Variants in HDAC9 observed in about 807,000 individuals in gnomAD.
The protein encoded by HDAC9 is MEF-2 interacting transcription repressor (MITR) protein.
Under a neutral mutation model 139.4 loss-of-function variants are expected in HDAC9, and 41 were observed. The observed-to-expected ratio is 0.29, with a 90% CI of 0.23 to 0.38. The LOEUF (loss-of-function observed/expected upper bound fraction) is 0.38, where lower values mean the gene tolerates loss of function less well. HDAC9 is among the 10% of genes least tolerant of loss of function. The pLI is 1.00. For missense variants in HDAC9, 1,147 were observed against 1,297.0 expected, an observed-to-expected ratio of 0.88 and a Z score of 1.78; for synonymous variants, 517 against 476.2, an observed-to-expected ratio of 1.09 and a Z score of -1.12.
At chr7:18,657,416 T>A (rs1271615299) in intron 11 of HDAC9, among the ~76,000 whole-genome samples, 1 of 152,138 alleles carries the variant, frequency 6.6e-6, no homozygotes, top group African/African-American at 2.4e-5. Flanking sequence ...CATCAATGAT[T>A]AGCAAAGAAA....
At chr7:18,139,669 A>G (rs1416526421) in intron 1 of HDAC9, among the ~76,000 whole-genome samples, 3 of 152,180 alleles carry the variant, frequency 2.0e-5, no homozygotes, top group African/African-American at 4.8e-5. Context: ...GTTACCTCAT[A>G]TGGCCAAAAA....
chr7:18,492,383 A>G (rs1056192134), upstream of HDAC9, among the ~76,000 whole-genome samples: 5 of 151,862 alleles, frequency 3.3e-5, no homozygotes, highest in African/African-American at 1.2e-4. Flanking sequence ...GTTTTTTAAT[A>G]CTTTTTTTTT....
At chr7:18,785,325 T>C (rs1791617626) in intron 16 of HDAC9, among the ~76,000 whole-genome samples, 1 of 151,442 alleles carries the variant, frequency 6.6e-6, no homozygotes, top group South Asian at 2.1e-4. Flanking sequence ...TTTGGTTGTA[T>C]ACCAAAAAAA....
intron 14 of HDAC9, among the ~76,000 whole-genome samples, chr7:18,752,122 C>A (rs572135673): frequency 6.6e-6 from 1 of 151,992 alleles, no homozygotes; most frequent in African/African-American, 2.4e-5. Flanking sequence ...TTTCGAATGC[C>A]GTGAAAAATA....
chr7:18,345,510 A>G (rs1447915775), intron 1 of HDAC9, among the ~76,000 whole-genome samples: 1 of 151,390 alleles, frequency 6.6e-6, no homozygotes, highest in African/African-American at 2.4e-5. Context: ...ATTGTTGTTT[A>G]GTGAAAGTAC....
At position 18,534,589 on chromosome 7, in the gene HDAC9, G is replaced by A. The variant is rs114602351; in HGVS notation, c.22+38265G>A. Reference sequence around the variant, plus strand: ...AGAGAGAAAAAGAGAGAATCCTTGCGTACTAGTGTCTGCATTTCTCACCTT... The same window carrying A: ...AGAGAGAAAAAGAGAGAATCCTTGCATACTAGTGTCTGCATTTCTCACCTT... On this transcript the variant is annotated intron_variant, in intron 2 of 25. Coordinates refer to ENST00000686413, the MANE Select transcript of HDAC9 (RefSeq NM_178425.4). 4.1e-3 allele frequency among the ~76,000 whole-genome samples: 628 copies of A among 152,196 alleles called. 7 individuals carry two copies. The highest frequency in any genetic ancestry group is 0.013 in the African/African-American group (559 of 41,520).
chr7:18,277,608 C>T (rs1447846279), intron 2 of HDAC9, among the ~76,000 whole-genome samples: 1 of 152,144 alleles, frequency 6.6e-6, no homozygotes, highest in African/African-American at 2.4e-5. Flanking sequence ...ACACCCACAA[C>T]TGCAAATATC....
chr7:18,806,131 A>AT (rs35229257), intron 17 of HDAC9, among the ~76,000 whole-genome samples: 45,146 of 152,098 alleles, frequency 0.3, 7,078 homozygotes, highest in African/African-American at 0.37. Flanking sequence ...AATACATCAG[A>AT]TAAAAACTAA....
chr7:18,181,106 CT>C (rs934060679), intron 2 of HDAC9, among the ~76,000 whole-genome samples: 4 of 151,972 alleles, frequency 2.6e-5, no homozygotes, highest in Non-Finnish European at 5.9e-5. Context: ...CTGGGAAGTC[CT>C]TTTTTTTCCC....
chr7:18,625,716 G>T (rs1282526831), intron 6 of HDAC9, among the ~76,000 whole-genome samples: 1 of 151,948 alleles, frequency 6.6e-6, no homozygotes, highest in African/African-American at 2.4e-5. Context: ...AGGCCGAGGC[G>T]AGTGGATCAC....
chr7:18,591,732 A>G (rs1028351557), intron 5 of HDAC9, 90 bp downstream of exon 5: 13 of 1,506,222 alleles, frequency 8.6e-6, no homozygotes, highest in African/African-American at 1.4e-5. Context: ...TTAGCCTGCC[A>G]TTTCTCAGCT....
chr7:18,331,162 T>G (rs1404301691), intron 1 of HDAC9, among the ~76,000 whole-genome samples: 2 of 151,662 alleles, frequency 1.3e-5, no homozygotes, highest in African/African-American at 4.8e-5. Flanking sequence ...CAGAGCCTCT[T>G]AGCTTTTGTT....
chr7:18,415,853 C>T (rs1448491104), intron 1 of HDAC9, among the ~76,000 whole-genome samples: 3 of 152,016 alleles, frequency 2.0e-5, no homozygotes, highest in Non-Finnish European at 4.4e-5. Context: ...TTACTGTATT[C>T]TTGCTCTTTT....
intron 2 of HDAC9, among the ~76,000 whole-genome samples, chr7:18,579,548 C>A (rs1190354732): frequency 1.3e-5 from 2 of 152,150 alleles, no homozygotes; most frequent in Admixed American, 1.3e-4. Context: ...ATCGCCAAAT[C>A]CAGAATTTTT....
chr7:18,592,370 TATTTCA>T (rs1445418159), intron 5 of HDAC9, among the ~76,000 whole-genome samples: 3 of 152,106 alleles, frequency 2.0e-5, no homozygotes, highest in African/African-American at 7.2e-5. Flanking sequence ...AATACACAAA[TATTTCA>T]ATAAAATATA....
chr7:18,844,062 A>T (rs1229994622), intron 21 of HDAC9, among the ~76,000 whole-genome samples: 3 of 152,190 alleles, frequency 2.0e-5, no homozygotes, highest in Admixed American at 1.3e-4. Context: ...CATCCCAATG[A>T]TTTGGTGTCA....
intron 1 of HDAC9, among the ~76,000 whole-genome samples, chr7:18,378,333 T>C (rs1368242395): frequency 6.6e-6 from 1 of 152,140 alleles, no homozygotes; most frequent in East Asian, 1.9e-4. Flanking sequence ...TGTGTTTGTT[T>C]ATATCCGTGT....
intron 1 of HDAC9, among the ~76,000 whole-genome samples, chr7:18,307,159 G>T (rs1225425608): frequency 6.7e-6 from 1 of 149,474 alleles, no homozygotes; most frequent in East Asian, 2.0e-4. Flanking sequence ...ATAGGAGGAG[G>T]CAAGAGTATC....
chr7:18,395,736 T>A (rs557067885), intron 1 of HDAC9, among the ~76,000 whole-genome samples: 1 of 152,232 alleles, frequency 6.6e-6, no homozygotes, highest in African/African-American at 2.4e-5. Context: ...TGTTACCTTT[T>A]TAAACACTCA....
Sources: allele counts gnomAD v4.1 joint callset (sites outside exome capture counted in the v4.1 genomes callset), GRCh38; gene constraint gnomAD v4.1.1; transcripts MANE v1.5; gene names NCBI Gene and HGNC (gene_info 2026-07-23, HGNC 2026-07-21).